MAD1L1: variants seen among roughly 807,000 people sequenced by gnomAD.
The protein encoded by MAD1L1 is mitotic spindle assembly checkpoint protein MAD1.
A neutral mutation model predicts 96.9 loss-of-function variants in MAD1L1; 95 were observed. The ratio of observed to expected loss-of-function variants is 0.98; its 90% CI spans 0.83 to 1.16. MAD1L1 has a LOEUF of 1.16. Ranked by LOEUF, MAD1L1 falls within the 50% of genes most tolerant of loss-of-function variation. The probability of loss-of-function intolerance (pLI) is 0.00; values close to 1 mark genes in which losing one functional copy is unlikely to be tolerated. For missense variants in MAD1L1, 1,007 were observed against 954.4 expected, an observed-to-expected ratio of 1.06 and a Z score of -0.73; for synonymous variants, 473 against 396.6, an observed-to-expected ratio of 1.19 and a Z score of -2.29.
At chr7:2,038,234 A>G (rs1584150579) in intron 12 of MAD1L1, among the ~76,000 whole-genome samples, 2 of 152,314 alleles carry the variant, frequency 1.3e-5, no homozygotes, top group Admixed American at 6.5e-5. Flanking sequence ...TGAGGTTTAC[A>G]TTAAGAGGCA....
intron 10 of MAD1L1, among the ~76,000 whole-genome samples, chr7:2,203,484 A>ATCTC (rs1792424585): frequency 1.3e-5 from 2 of 152,224 alleles, no homozygotes; most frequent in African/African-American, 2.4e-5. Flanking sequence ...TCAAACGCAC[A>ATCTC]TCTCTTTTGA....
intron 12 of MAD1L1, among the ~76,000 whole-genome samples, chr7:2,059,635 C>G (rs1465332747): frequency 7.9e-6 from 1 of 125,914 alleles, no homozygotes; most frequent in African/African-American, 3.1e-5. Flanking sequence ...AGGAGAGGCG[C>G]GGGGCTGGAG....
chr7:1,924,592 G>T (rs1019457911), intron 17 of MAD1L1, among the ~76,000 whole-genome samples: 3 of 152,214 alleles, frequency 2.0e-5, no homozygotes, highest in Admixed American at 6.5e-5. Context: ...AGCAAACGCT[G>T]AGAGAACCTA....
At chr7:2,118,221 C>T (rs905073277) in intron 11 of MAD1L1, among the ~76,000 whole-genome samples, 2 of 152,232 alleles carry the variant, frequency 1.3e-5, no homozygotes, top group African/African-American at 4.8e-5. Context: ...AGACCCTCCA[C>T]TGGAGTGGAT....
At chr7:2,043,546 C>T (rs139513508) in intron 12 of MAD1L1, among the ~76,000 whole-genome samples, 21 of 152,348 alleles carry the variant, frequency 1.4e-4, no homozygotes, top group Non-Finnish European at 1.2e-4. Flanking sequence ...GGCTTGGGAA[C>T]GTGATGCCCG....
intron 11 of MAD1L1, among the ~76,000 whole-genome samples, chr7:2,094,912 T>C (rs1786405608): frequency 6.6e-6 from 1 of 152,196 alleles, no homozygotes; most frequent in Non-Finnish European, 1.5e-5. Flanking sequence ...GACCGGGTGA[T>C]GGTGATGCCG....
intron 18 of MAD1L1, chr7:1,848,174 G>A (rs917992615): frequency 2.4e-5 from 5 of 205,634 alleles, no homozygotes; most frequent in Non-Finnish European, 4.0e-5. Context: ...CAACACTCAC[G>A]CCTGCTGCAG....
chr7:1,998,614 G>T (rs1343358984), intron 14 of MAD1L1, among the ~76,000 whole-genome samples: 1 of 152,184 alleles, frequency 6.6e-6, no homozygotes, highest in Non-Finnish European at 1.5e-5. Context: ...TGTTCCAGAG[G>T]CAACAGGAAA....
At chr7:2,206,903 G>A (rs1245696258) in intron 10 of MAD1L1, among the ~76,000 whole-genome samples, 1 of 152,044 alleles carries the variant, frequency 6.6e-6, no homozygotes, top group Non-Finnish European at 1.5e-5. Flanking sequence ...CCAACATGGC[G>A]AAACCCTGTC....
chr7:2,216,649 C>T (rs914121630), intron 7 of MAD1L1, among the ~76,000 whole-genome samples: 6 of 152,172 alleles, frequency 3.9e-5, no homozygotes, highest in African/African-American at 1.4e-4. Flanking sequence ...GGTTCATCAC[C>T]GTCACACGTG....
intron 11 of MAD1L1, among the ~76,000 whole-genome samples, chr7:2,135,124 T>C (rs1219913155): frequency 1.3e-5 from 2 of 152,212 alleles, no homozygotes; most frequent in Non-Finnish European, 2.9e-5. Context: ...ACGAAAGGTG[T>C]GAAGGAACGG....
intron 3 of MAD1L1, among the ~76,000 whole-genome samples, chr7:2,229,515 C>A (rs1481629333): frequency 6.6e-6 from 1 of 152,192 alleles, no homozygotes; most frequent in Non-Finnish European, 1.5e-5. Flanking sequence ...GTAAATGGCC[C>A]TCCACAGTCT....
intron 12 of MAD1L1, among the ~76,000 whole-genome samples, chr7:2,056,319 G>C (rs564483796): frequency 2.6e-5 from 4 of 152,216 alleles, no homozygotes; most frequent in Non-Finnish European, 5.9e-5. Context: ...CCTAAAGAGG[G>C]GTGTGGAGCA....
At chr7:2,162,708 C>CAAA (rs200992128) in intron 10 of MAD1L1, among the ~76,000 whole-genome samples, 11 of 96,532 alleles carry the variant, frequency 1.1e-4, no homozygotes, top group Middle Eastern at 4.7e-3. Flanking sequence ...CCACCACTCA[C>CAAA]AAAAAAAAAA....
At chr7:2,220,685 T>G (rs923449049) in intron 5 of MAD1L1, among the ~76,000 whole-genome samples, 3 of 152,196 alleles carry the variant, frequency 2.0e-5, no homozygotes, top group African/African-American at 7.2e-5. Context: ...CTGAAGCCTA[T>G]CACCGCTGTC....
chr7:1,826,340 G>A (rs374277466), intron 18 of MAD1L1, among the ~76,000 whole-genome samples: 4 of 152,216 alleles, frequency 2.6e-5, no homozygotes, highest in South Asian at 4.1e-4. Flanking sequence ...TACCTCGGCC[G>A]AGGGCCTCCT....
chr7:2,084,524 T>C (rs990224936), intron 11 of MAD1L1, among the ~76,000 whole-genome samples: 32 of 152,228 alleles, frequency 2.1e-4, no homozygotes, highest in African/African-American at 6.3e-4. Context: ...CTGGCAGGCC[T>C]GACTGCTGGA....
intron 18 of MAD1L1, chr7:1,838,455 A>G (rs1025867694): frequency 7.7e-6 from 2 of 259,300 alleles, no homozygotes; most frequent in African/African-American, 4.4e-5. Context: ...ATGAACGGAT[A>G]AACAACCATG....
At chr7:1,912,006 C>A (rs1456881514) in intron 17 of MAD1L1, among the ~76,000 whole-genome samples, 5 of 152,250 alleles carry the variant, frequency 3.3e-5, no homozygotes, top group Non-Finnish European at 7.3e-5. Context: ...GTTCCACATC[C>A]CCTCAGACAC....
Sources: gnomAD v4.1 joint callset for allele counts (sites outside exome capture counted in the v4.1 genomes callset) on GRCh38, gnomAD v4.1.1 for gene constraint, MANE v1.5 for transcripts, NCBI Gene and HGNC (gene_info 2026-07-23, HGNC 2026-07-21) for gene names.